The following APBB3 variants were observed in gnomAD, a reference collection of about 807,000 sequenced individuals.
The protein encoded by APBB3 is amyloid-beta A4 precursor protein-binding family B member 3.
In APBB3, 50 loss-of-function variants were observed where a neutral mutation model predicts 61.5. The ratio of observed to expected loss-of-function variants is 0.81; its 90% CI spans 0.65 to 1.03. The LOEUF (loss-of-function observed/expected upper bound fraction) is 1.03. Ranked by LOEUF, APBB3 falls within the 50% of genes least tolerant of loss-of-function variation. The pLI is 0.00. For synonymous variants in APBB3, 235 were observed against 233.0 expected (o/e 1.01, Z -0.08); for missense variants, 550 against 637.4 (o/e 0.86, Z 1.48).
chr5:140,561,426 G>T lies in APBB3; in HGVS notation c.771C>A (p.Val257=). ...CAQILSERVE[V]SGDASCCSPD... The stretch of plus-strand genomic sequence containing the variant: ...GGGAGCAGCAAGAGGCATCACCACT[G>T]ACCTCTACTCGCTCTGACAAGATCT... The change falls in exon 9 of 13, where the codon GTC becomes GTA. Residue 257 remains valine, a synonymous_variant. Transcript: ENST00000357560. The T allele has an allele frequency of 6.2e-7, 1 of 1,614,138 alleles. No individual in the cohort carries two copies. The highest frequency in any genetic ancestry group is 1.1e-5 in the South Asian group (1 of 91,082).
In APBB3 at chr5:140,563,545, G is replaced by T. The variant is rs371978521; in HGVS notation, c.290+49C>A. 8 of 1,607,054 alleles carry T rather than the reference G, an allele frequency of 5.0e-6. No individual in the cohort carries two copies. In the African/African-American group the frequency reaches 6.7e-5, roughly 13 times the overall value. On this transcript the variant is annotated intron_variant, in intron 3 of 12. Transcript: ENST00000357560. ...AGACCATGGGTCCAGCTGCATTTTT[G>T]AACACCATGGAACCCCAAGCCTTTC...
intron 3 of APBB3, 147 bp from the exon 4 acceptor site, chr5:140,562,870 G>A: frequency 1.4e-6 from 1 of 705,318 alleles, no homozygotes; most frequent in Non-Finnish European, 2.4e-6. Flanking sequence ...TAGAGCCCAG[G>A]ACATATTAAC....
intron 3 of APBB3, chr5:140,563,323 C>T: frequency 1.9e-6 from 1 of 525,030 alleles, no homozygotes; most frequent in Non-Finnish European, 3.4e-6. Flanking sequence ...ACAAGAGACC[C>T]TAGAACAGAG....
Position 140,562,496 on chromosome 5 carries a change from A to G in APBB3, c.355T>C (p.Phe119Leu). 1 of 1,614,026 alleles carries G rather than the reference A, an allele frequency of 6.2e-7. No homozygotes were observed. Among genetic ancestry groups the G allele is most frequent in the Non-Finnish European group, 8.5e-7 (1 of 1,179,974 alleles). ...IQSMEPGAKC[F>L]AVRSLGWVEV... ...ACCCAGCCCAGAGAGCGGACTGCAAAGCACTGACAGGTTGGGGGAAGGGAC... is the reference window on the plus strand; with the variant it reads ...ACCCAGCCCAGAGAGCGGACTGCAAGGCACTGACAGGTTGGGGGAAGGGAC... Residue 119 changes from phenylalanine (F) to leucine (L), a missense_variant, in exon 5 of 13, where the codon TTT (phenylalanine) becomes CTT (leucine). By Grantham distance (22) the Phe-to-Leu change is conservative. Transcript: ENST00000357560.
Position 140,564,358 on chromosome 5 carries a change from A to T in APBB3, c.-113T>A. ...TCTCTGCGCCGCAGGCTGCGGGGCC[A>T]GCTGGCGCCGCACAAATACGGGGCG... On this transcript the variant is annotated 5_prime_UTR_variant, in exon 1 of 13. Transcript: ENST00000357560. The surrounding 1 kb of genome is among the most constrained non-coding windows in gnomAD (Gnocchi z 5.0). The T allele has an allele frequency of 2.2e-6, 3 of 1,336,514 alleles. No homozygotes were observed. Among genetic ancestry groups the T allele is most frequent in the Non-Finnish European group, 3.1e-6 (3 of 962,574 alleles). The allele number at this position is 1,336,514 out of a possible 1,614,324, so 82.8% of individuals were successfully genotyped here. A position where few individuals can be genotyped will look rare whatever the true frequency, so the allele number is the denominator to read the frequency against.
In APBB3 at chr5:140,561,388, G is replaced by C; in HGVS notation, c.809C>G (p.Ser270Cys). ...DASCCSPDPI[S>C]PEDLPRQVEL... is the part of the protein sequence containing the mutation. Reference sequence around the variant, plus strand: ...ACCTTGCCGTGGCAGGTCTTCAGGAGAGATGGGGTCTGGGGAGCAGCAAGA... The same window carrying C: ...ACCTTGCCGTGGCAGGTCTTCAGGACAGATGGGGTCTGGGGAGCAGCAAGA... Residue 270 changes from serine (S) to cysteine (C), a missense_variant, in exon 9 of 13, where the codon TCT (serine) becomes TGT (cysteine). Physicochemically the swap from Ser to Cys is moderately radical, Grantham distance 112 (BLOSUM62 -1). Around this residue, in one of 3 missense-constraint regions of APBB3, gnomAD observed 405 missense variants for 483.4 expected, o/e 0.84. Transcript: ENST00000357560. 6.2e-7 allele frequency: 1 copy of C among 1,614,224 alleles called. No homozygotes were observed. The highest frequency in any genetic ancestry group is 1.1e-5 in the South Asian group (1 of 91,084).
rs1275136810 is a variant in APBB3 at position 140,561,651 on chromosome 5, T to C, written c.683A>G (p.His228Arg). The change falls in exon 8 of 13, where the codon CAT becomes CGT. Residue 228 changes from histidine to arginine, a missense_variant. Physicochemically the swap from His to Arg is conservative, Grantham distance 29. Transcript: ENST00000357560. ...SDKDSCMLKCHVFCCDVPAKA... is the reference protein window; with the variant it reads ...SDKDSCMLKCRVFCCDVPAKA... ...GGCAGGGACATCACAGCAAAACACA[T>C]GGCACTTGAGCATACAGCTATCTTT... is the stretch of plus-strand genomic sequence containing the variant. 3 of 1,614,166 alleles carry C rather than the reference T, an allele frequency of 1.9e-6. No individual in the cohort carries two copies. The highest frequency in any genetic ancestry group is 1.3e-5 in the African/African-American group (1 of 75,044).
chr5:140,564,376 A>ACGGGGCGGGACC lies in APBB3; in HGVS notation c.-132_-131insGGTCCCGCCCCG. 1 of 625,694 alleles carries ACGGGGCGGGACC rather than the reference A, an allele frequency of 1.6e-6. No individual in the cohort carries two copies. The highest frequency in any genetic ancestry group is 2.7e-6 in the Non-Finnish European group (1 of 371,862). 38.8% of individuals were successfully genotyped at this position (625,694 alleles called of 1,614,324 possible). On this transcript the variant is annotated 5_prime_UTR_variant, in exon 1 of 13. Transcript: ENST00000357560. The surrounding 1 kb of genome is among the most constrained non-coding windows in gnomAD (Gnocchi z 5.0). ...CGGGGCCAGCTGGCGCCGCACAAAT[A>ACGGGGCGGGACC]CGGGGCGGGACACGGGGCGGGACAC...
In APBB3 at chr5:140,563,947, CAT is replaced by C. The variant is rs34319514; in HGVS notation, c.50-34_50-33del. ...GAACACCGGATTAGAGAGGAGGGAG[CAT>C]ATGATTTGTGAGTTCAGAATAACAT... On this transcript the variant is annotated intron_variant, in intron 1 of 12. Transcript: ENST00000357560. 3,349 of 1,606,350 alleles carry C rather than the reference CAT, an allele frequency of 2.1e-3. 9 individuals are homozygous for C. Among genetic ancestry groups the C allele is most frequent in the Non-Finnish European group, 2.4e-3 (2,779 of 1,177,064 alleles).
chr5:140,560,265 G>C lies in APBB3; in HGVS notation c.1224+48C>G. 1 of 1,583,266 alleles carries C rather than the reference G, an allele frequency of 6.3e-7. No individual in the cohort carries two copies. The highest frequency in any genetic ancestry group is 8.6e-7 in the Non-Finnish European group (1 of 1,158,276). ...ACCCGGAGCCCAAGTAAACAGTGGAGAGCAGCTGCAGGGCAATCCCACCAA... is the reference window on the plus strand; with the variant it reads ...ACCCGGAGCCCAAGTAAACAGTGGACAGCAGCTGCAGGGCAATCCCACCAA... On this transcript the variant is annotated intron_variant, in intron 12 of 12. Coordinates refer to ENST00000357560, the MANE Select transcript of APBB3 (RefSeq NM_133173.3). This position sits in a 1 kb window ranked among gnomAD's most constrained non-coding sequence, Gnocchi z 5.1.
intron 2 of APBB3, 35 bp from the exon 3 acceptor site, chr5:140,563,705 C>A: frequency 6.2e-7 from 1 of 1,614,028 alleles, no homozygotes; most frequent in South Asian, 1.1e-5. Flanking sequence ...TAACAGCAGA[C>A]CTAGGTCCAC....
In APBB3 at chr5:140,564,326, C is replaced by G; in HGVS notation, c.-81G>C. 3 of 1,542,808 alleles carry G rather than the reference C, an allele frequency of 1.9e-6. No individual in the cohort carries two copies. The highest frequency in any genetic ancestry group is 1.1e-5 in the South Asian group (1 of 88,764). ...CCTCTGGAGCTACTGCGCCTGCAAG[C>G]CCAGCCTCTCTGCGCCGCAGGCTGC... On this transcript the variant is annotated 5_prime_UTR_variant, in exon 1 of 13. Coordinates refer to ENST00000357560, the MANE Select transcript of APBB3 (RefSeq NM_133173.3). This position sits in a 1 kb window ranked among gnomAD's most constrained non-coding sequence, Gnocchi z 5.0.
In APBB3 at chr5:140,563,877, C is replaced by T. The variant is rs1194388386; in HGVS notation, c.88G>A (p.Gly30Ser). Residue 30 changes from glycine to serine, a missense_variant, in exon 2 of 13, where the codon GGC becomes AGC. By Grantham distance (56) the Gly-to-Ser change is moderately conservative. Around this residue, in one of 3 missense-constraint regions of APBB3, gnomAD observed 405 missense variants for 483.4 expected, o/e 0.84. Transcript: ENST00000357560. ...WGDHSLEVEAGLPPGWRKIHD... is the reference protein window; with the variant it reads ...WGDHSLEVEASLPPGWRKIHD... ...ATCTTCCTCCAGCCAGGAGGCAGGC[C>T]AGCCTCCACCTCCAGACTGTGGTCC... The T allele has an allele frequency of 3.1e-6, 5 of 1,614,010 alleles. No homozygotes were observed. The highest frequency in any genetic ancestry group is 1.3e-5 in the African/African-American group (1 of 74,908).
chr5:140,561,236 G>T, intron 9 of APBB3, 129 bp downstream of exon 9: 1 of 1,446,060 alleles, frequency 6.9e-7, no homozygotes, highest in Non-Finnish European at 9.7e-7. Context: ...CCAACTAGTG[G>T]CTTGGGATCC....
Position 140,558,746 on chromosome 5 carries a change from G to GCAGGCGGGCA in APBB3, c.1290_1299dup (p.Arg434CysfsTer44). On this transcript the variant is annotated frameshift_variant, in exon 13 of 13. Coordinates refer to ENST00000357560, the MANE Select transcript of APBB3 (RefSeq NM_133173.3). LOFTEE classifies it high-confidence loss of function. ...TCCATGGAGCTGGTCCGCTTGAGCC[G>GCAGGCGGGCA]CAGGCGGGCACGGGCCTGGGCACCC... 6.2e-7 allele frequency: 1 copy of GCAGGCGGGCA among 1,606,076 alleles called. No homozygotes were observed.
In APBB3 at chr5:140,563,921, G is replaced by C. The variant is rs1755090685; in HGVS notation, c.50-6C>G. The C allele has an allele frequency of 1.9e-6, 3 of 1,612,716 alleles. No homozygotes were observed. In the African/African-American group the frequency reaches 4.0e-5, roughly 22 times the overall value. On this transcript the variant is annotated splice_region_variant and splice_polypyrimidine_tract_variant and intron_variant, in intron 1 of 12. Transcript: ENST00000357560. The stretch of plus-strand genomic sequence containing the variant: ...GTGGTCCCCCCACAAGTCATCTACA[G>C]GAACACCGGATTAGAGAGGAGGGAG...
At chr5:140,558,885 G>T in intron 12 of APBB3, 64 bp from the exon 13 acceptor site, 2 of 1,452,928 alleles carry the variant, frequency 1.4e-6, no homozygotes, top group Admixed American at 3.4e-5. Flanking sequence ...GAAAGCTTCT[G>T]CAGGACAGGG....
At chr5:140,561,178 T>C (rs1754939248) in intron 9 of APBB3, 77 bp from the exon 10 acceptor site, 2 of 1,559,288 alleles carry the variant, frequency 1.3e-6, no homozygotes, top group Admixed American at 3.4e-5. Context: ...GGGCCAGGAC[T>C]CAGGTCAGAG....
Position 140,562,508 on chromosome 5 carries a change from T to C in APBB3, c.352-9A>G, listed in dbSNP as rs750753834. ...GAGCGGACTGCAAAGCACTGACAGGTTGGGGGAAGGGACAGGAATTAATAA... is the reference window on the plus strand; with the variant it reads ...GAGCGGACTGCAAAGCACTGACAGGCTGGGGGAAGGGACAGGAATTAATAA... On this transcript the variant is annotated splice_polypyrimidine_tract_variant and intron_variant, in intron 4 of 12. Transcript: ENST00000357560. The C allele has an allele frequency of 7.4e-6, 12 of 1,613,822 alleles. No individual in the cohort carries two copies. The highest frequency in any genetic ancestry group is 9.3e-6 in the Non-Finnish European group (11 of 1,179,910).
Sources: allele counts gnomAD v4.1 joint callset, GRCh38; gene constraint gnomAD v4.1.1; regional missense constraint gnomAD v4.1.1; non-coding constraint Gnocchi (gnomAD v3.1); transcripts MANE v1.5; gene names NCBI Gene and HGNC (gene_info 2026-07-23, HGNC 2026-07-21).